Variants in ODAD2 observed in about 807,000 individuals in gnomAD.
ODAD2 encodes the protein outer dynein arm-docking complex subunit 2.
Under a neutral mutation model 106.8 loss-of-function variants are expected in ODAD2, and 89 were observed. That is an observed-to-expected ratio of 0.83 (90% confidence interval 0.70 to 0.99). ODAD2 has a LOEUF of 0.99. Ranked by LOEUF, ODAD2 falls within the 50% of genes least tolerant of loss-of-function variation. The probability of loss-of-function intolerance (pLI) is 0.00; values close to 1 mark genes in which losing one functional copy is unlikely to be tolerated. For synonymous variants in ODAD2, 404 were observed against 436.2 expected (o/e 0.93, Z 0.92); for missense variants, 1,168 against 1,238.5 (o/e 0.94, Z 0.85).
intron 19 of ODAD2, among the ~76,000 whole-genome samples, chr10:27,851,399 G>C (rs1310520180): frequency 6.6e-6 from 1 of 152,008 alleles, no homozygotes; most frequent in Non-Finnish European, 1.5e-5. Flanking sequence ...CACTCAACAT[G>C]TTAACATTCA....
At chr10:27,946,823 C>T (rs61842727) in intron 10 of ODAD2, among the ~76,000 whole-genome samples, 738 of 152,138 alleles carry the variant, frequency 4.9e-3, no homozygotes, top group Non-Finnish European at 7.8e-3. Context: ...AATAAGAAAC[C>T]GAAATAGGAT....
intron 17 of ODAD2, among the ~76,000 whole-genome samples, chr10:27,904,655 C>T (rs1010145510): frequency 2.6e-5 from 4 of 152,198 alleles, no homozygotes; most frequent in Non-Finnish European, 2.9e-5. Context: ...GTTCTAAATA[C>T]AGAGGCTTTA....
intron 16 of ODAD2, among the ~76,000 whole-genome samples, chr10:27,930,073 T>C (rs765857367): frequency 7.2e-5 from 11 of 152,004 alleles, no homozygotes; most frequent in Non-Finnish European, 2.9e-5. Context: ...ATTTTATATA[T>C]TTTTATTTTT....
chr10:27,999,574 C>G (rs952326699), upstream of ODAD2, among the ~76,000 whole-genome samples: 1 of 151,988 alleles, frequency 6.6e-6, no homozygotes, highest in African/African-American at 2.4e-5. Flanking sequence ...TGGCCTTTAC[C>G]TTTGTCCATT....
chr10:27,971,427 T>C, intron 7 of ODAD2, 114 bp from the exon 8 acceptor site: 2 of 863,736 alleles, frequency 2.3e-6, no homozygotes, highest in African/African-American at 1.7e-5. Context: ...ATTTAACTTG[T>C]GGTCCTTAGT....
At chr10:27,945,032 C>T (rs913799057) in intron 10 of ODAD2, 70 bp from the exon 11 acceptor site, 27 of 1,556,102 alleles carry the variant, frequency 1.7e-5, no homozygotes, top group Middle Eastern at 1.7e-4. Context: ...TAAGTAGTTA[C>T]GAATCCATGA....
chr10:27,901,960 T>C (rs142231488), intron 17 of ODAD2, among the ~76,000 whole-genome samples: 304 of 151,786 alleles, frequency 2.0e-3, no homozygotes, highest in African/African-American at 6.6e-3. Flanking sequence ...GCGAACCTAA[T>C]AGACATCTAC....
At chr10:27,988,310 C>T (rs1223247108) in intron 2 of ODAD2, among the ~76,000 whole-genome samples, 2 of 150,430 alleles carry the variant, frequency 1.3e-5, no homozygotes, top group African/African-American at 4.9e-5. Context: ...TCTGATGAAA[C>T]TCCTGACACC....
At chr10:27,954,405 C>A (rs1847574201) in intron 10 of ODAD2, among the ~76,000 whole-genome samples, 1 of 152,180 alleles carries the variant, frequency 6.6e-6, no homozygotes, top group African/African-American at 2.4e-5. Context: ...TCATTCCAAT[C>A]AAAAATCTGA....
chr10:27,954,092 T>C (rs1395057672), intron 10 of ODAD2, among the ~76,000 whole-genome samples: 1 of 152,234 alleles, frequency 6.6e-6, no homozygotes, highest in Non-Finnish European at 1.5e-5. Context: ...AAAAATCATT[T>C]ATACCAAATC....
chr10:27,830,478 A>C (rs1293976640), intron 19 of ODAD2, among the ~76,000 whole-genome samples: 1 of 152,232 alleles, frequency 6.6e-6, no homozygotes, highest in Non-Finnish European at 1.5e-5. Context: ...TAATCTTCCC[A>C]GATTTAAAAT....
Position 27,995,006 on chromosome 10 carries a change from G to A in ODAD2, c.137C>T (p.Pro46Leu), listed in dbSNP as rs1454331767. The change falls in exon 2 of 20, where the codon CCT (proline) becomes CTT (leucine). Residue 46 changes from proline to leucine, a missense_variant. Pro to Leu is a moderately conservative substitution (Grantham distance 98). This residue lies in a region of ODAD2 where 430 missense variants were observed against 452.2 expected (regional missense o/e 0.95). Coordinates refer to ENST00000305242, the MANE Select transcript of ODAD2 (RefSeq NM_018076.5). ...VFVESFIYKH[P>L]QEAKFVFVEP... ...CACAAAAACAAATTTTGCCTCTTGAGGATGTTTATAGATAAAACTCTCCAC... is the reference window on the plus strand; with the variant it reads ...CACAAAAACAAATTTTGCCTCTTGAAGATGTTTATAGATAAAACTCTCCAC... The A allele has an allele frequency of 6.2e-7, 1 of 1,614,030 alleles. No individual in the cohort carries two copies. Among genetic ancestry groups the A allele is most frequent in the African/African-American group, 1.3e-5 (1 of 74,910 alleles).
intron 11 of ODAD2, 112 bp from the exon 12 acceptor site, chr10:27,944,543 C>T (rs1392928935): frequency 2.1e-6 from 2 of 961,776 alleles, no homozygotes; most frequent in African/African-American, 3.3e-5. Flanking sequence ...GAAATCATTT[C>T]CATTCCCAGA....
intron 17 of ODAD2, among the ~76,000 whole-genome samples, chr10:27,888,748 A>G (rs1035979726): frequency 1.3e-5 from 2 of 152,190 alleles, no homozygotes; most frequent in Admixed American, 1.3e-4. Flanking sequence ...CCTTAAATTT[A>G]TACAAATAAA....
intron 17 of ODAD2, among the ~76,000 whole-genome samples, chr10:27,872,003 C>A (rs914616939): frequency 3.3e-5 from 5 of 152,150 alleles, no homozygotes; most frequent in African/African-American, 1.2e-4. Flanking sequence ...GAATGTTCTT[C>A]CATTTGTTTG....
At chr10:27,847,055 C>T (rs1025724231) in intron 19 of ODAD2, among the ~76,000 whole-genome samples, 14 of 152,154 alleles carry the variant, frequency 9.2e-5, no homozygotes, top group Admixed American at 6.5e-5. Flanking sequence ...AAGAGGGAAT[C>T]CTCCCTAACT....
intron 16 of ODAD2, among the ~76,000 whole-genome samples, chr10:27,920,394 T>C (rs1429871269): frequency 6.6e-6 from 1 of 152,192 alleles, no homozygotes; most frequent in Non-Finnish European, 1.5e-5. Context: ...TAAATAGTAC[T>C]GAGAAGCCCA....
chr10:27,885,917 AT>A (rs1020575039), intron 17 of ODAD2, among the ~76,000 whole-genome samples: 24 of 126,186 alleles, frequency 1.9e-4, no homozygotes, highest in Non-Finnish European at 3.3e-4. Context: ...ATATATATAT[AT>A]TTTTATATAT....
chr10:27,856,240 T>G (rs927058708), intron 19 of ODAD2, among the ~76,000 whole-genome samples: 1 of 152,114 alleles, frequency 6.6e-6, no homozygotes, highest in African/African-American at 2.4e-5. Context: ...AGAATAGGAT[T>G]GAATATTCCT....
Sources: gnomAD v4.1 joint callset for allele counts (sites outside exome capture counted in the v4.1 genomes callset) on GRCh38, gnomAD v4.1.1 for gene constraint, gnomAD v4.1.1 regional missense constraint, MANE v1.5 for transcripts, NCBI Gene and HGNC (gene_info 2026-07-23, HGNC 2026-07-21) for gene names.